CTCF: variants seen among roughly 807,000 people sequenced by gnomAD.
CTCF encodes transcriptional repressor CTCF.
Under a neutral mutation model 72.3 loss-of-function variants are expected in CTCF, and 7 were observed. The ratio of observed to expected loss-of-function variants is 0.10; its 90% CI spans 0.06 to 0.18. The LOEUF (loss-of-function observed/expected upper bound fraction) is 0.18. Ranked by LOEUF, CTCF falls within the 10% of genes least tolerant of loss-of-function variation. The pLI, the probability that CTCF is intolerant of heterozygous loss-of-function variation, is 1.00. For missense variants in CTCF, 516 were observed against 949.1 expected (o/e 0.54, Z 6.00); for synonymous variants, 374 against 315.8 (o/e 1.18, Z -1.95).
chr16:67,591,855 G>A (rs1453461624), intron 2 of CTCF, among the ~76,000 whole-genome samples: 3 of 152,010 alleles, frequency 2.0e-5, no homozygotes, highest in African/African-American at 7.3e-5. Flanking sequence ...ACTACAGATG[G>A]ATGCCATCAT....
In CTCF at chr16:67,637,765, G is replaced by T. The variant is rs1396543145; in HGVS notation, c.2077G>T (p.Asp693Tyr). ...NIIVEVKKEPDAEPAEGEEEE... is the reference protein window; with the variant it reads ...NIIVEVKKEPYAEPAEGEEEE... ...TATAGTTGAAGTAAAAAAAGAGCCAGATGCTGAGCCCGCAGAGGGAGAGGA... is the reference window on the plus strand; with the variant it reads ...TATAGTTGAAGTAAAAAAAGAGCCATATGCTGAGCCCGCAGAGGGAGAGGA... Residue 693 changes from aspartate to tyrosine, a missense_variant, in exon 12 of 12, where the codon GAT becomes TAT. By Grantham distance (160) the Asp-to-Tyr change is radical (BLOSUM62 -3). This residue lies in a region of CTCF where 157 missense variants were observed against 172.9 expected (regional missense o/e 0.91). Transcript: ENST00000264010. 4 of 1,613,578 alleles carry T rather than the reference G, an allele frequency of 2.5e-6. No homozygotes were observed. The highest frequency in any genetic ancestry group is 1.3e-5 in the African/African-American group (1 of 74,904).
chr16:67,576,518 G>A (rs1401424726), intron 2 of CTCF, among the ~76,000 whole-genome samples: 2 of 149,482 alleles, frequency 1.3e-5, no homozygotes, highest in African/African-American at 2.5e-5. Flanking sequence ...ATAGGTGACT[G>A]GTTAAATTAT....
intron 2 of CTCF, among the ~76,000 whole-genome samples, chr16:67,595,263 T>C: frequency 6.8e-6 from 1 of 147,348 alleles, no homozygotes; most frequent in Non-Finnish European, 1.5e-5. Context: ...GCCCAAGCCA[T>C]CCTCCTGCTT....
chr16:67,613,262 T>G (rs1302788657), intron 4 of CTCF, among the ~76,000 whole-genome samples: 1 of 152,220 alleles, frequency 6.6e-6, no homozygotes, highest in East Asian at 1.9e-4. Context: ...ATATGACAAC[T>G]CTTGTTTTTG....
chr16:67,626,565 G>A lies in CTCF; in HGVS notation c.1368G>A (p.Leu456=), dbSNP rs757851003. The A allele has an allele frequency of 6.7e-7, 1 of 1,492,260 alleles. No individual in the cohort carries two copies. Among genetic ancestry groups the A allele is most frequent in the South Asian group, 1.4e-5 (1 of 73,994 alleles). 92.4% of individuals were successfully genotyped at this position (1,492,260 alleles called of 1,614,324 possible). A position where few individuals can be genotyped will look rare whatever the true frequency, so the allele number is the denominator to read the frequency against. Residue 456 remains leucine, a synonymous_variant, in exon 8 of 12, where the codon TTG becomes TTA. Coordinates refer to ENST00000264010, the MANE Select transcript of CTCF (RefSeq NM_006565.4). ...IARKSDLGVH[L]RKQHSYIEQG... is the part of the protein sequence containing the mutation. ...TTACTGTGCTTTCAGGTGTCCACTTGCGAAAGCAGCATTCCTATATTGAGC... is the reference window on the plus strand; with the variant it reads ...TTACTGTGCTTTCAGGTGTCCACTTACGAAAGCAGCATTCCTATATTGAGC...
chr16:67,601,067 C>T (rs569892038), intron 2 of CTCF, among the ~76,000 whole-genome samples: 38 of 152,126 alleles, frequency 2.5e-4, no homozygotes, highest in Middle Eastern at 3.4e-3. Flanking sequence ...CTGCTAGTGT[C>T]GGGAGAGGCA....
chr16:67,580,424 C>A (rs1376252805), intron 2 of CTCF, among the ~76,000 whole-genome samples: 1 of 151,984 alleles, frequency 6.6e-6, no homozygotes, highest in East Asian at 1.9e-4. Flanking sequence ...GGCTGGCCTT[C>A]AACTCCTGGC....
intron 2 of CTCF, among the ~76,000 whole-genome samples, chr16:67,598,693 A>T (rs1311053789): frequency 6.6e-6 from 1 of 152,274 alleles, no homozygotes; most frequent in Non-Finnish European, 1.5e-5. Context: ...AAGCTAAGGC[A>T]TGATGCCAAA....
intron 2 of CTCF, among the ~76,000 whole-genome samples, chr16:67,603,582 T>C (rs2051927286): frequency 6.6e-6 from 1 of 151,066 alleles, no homozygotes; most frequent in Non-Finnish European, 1.5e-5. Context: ...CCTGGTACTT[T>C]GGGAGGCCAA....
At chr16:67,599,861 A>G (rs2051864271) in intron 2 of CTCF, among the ~76,000 whole-genome samples, 1 of 152,338 alleles carries the variant, frequency 6.6e-6, no homozygotes, top group South Asian at 2.1e-4. Context: ...GTGACAGCCA[A>G]ACATTAGTAG....
Position 67,601,294 on chromosome 16 carries a change from C to CGTGTGTGTGTGT in CTCF, c.-9-9497_-9-9486dup, listed in dbSNP as rs58241150. Among the ~76,000 whole-genome samples, 432 of 98,674 alleles carry CGTGTGTGTGTGT rather than the reference C, an allele frequency of 4.4e-3. 4 individuals are homozygous for CGTGTGTGTGTGT. The highest frequency in any genetic ancestry group is 6.3e-3 in the Non-Finnish European group (317 of 50,426). The allele number at this position is 98,674 out of a possible 152,430, so 64.7% of individuals were successfully genotyped here. The stretch of plus-strand genomic sequence containing the variant: ...TTAAGACAGAGTCTCACTCTGTCAC[C>CGTGTGTGTGTGT]GTGTGTGTGTGTGTGTGTGTGTGTG... On this transcript the variant is annotated intron_variant, in intron 2 of 11. Coordinates refer to ENST00000264010, the MANE Select transcript of CTCF (RefSeq NM_006565.4).
At chr16:67,576,696 A>C (rs1329222318) in intron 2 of CTCF, among the ~76,000 whole-genome samples, 2 of 151,230 alleles carry the variant, frequency 1.3e-5, no homozygotes, top group Admixed American at 6.6e-5. Context: ...TAGAACCGCT[A>C]ATTTTTTGTG....
At chr16:67,571,535 G>A (rs1000014428) in intron 2 of CTCF, among the ~76,000 whole-genome samples, 13 of 152,156 alleles carry the variant, frequency 8.5e-5, no homozygotes, top group African/African-American at 2.7e-4. Context: ...ACTATTCTCC[G>A]TTAATGAGAA....
At chr16:67,582,983 CTTTTTTTT>C (rs550423023) in intron 2 of CTCF, among the ~76,000 whole-genome samples, 3 of 136,038 alleles carry the variant, frequency 2.2e-5, no homozygotes, top group African/African-American at 8.1e-5. Context: ...TCTTATTTTT[CTTTTTTTT>C]TTTTTTTGAG....
intron 2 of CTCF, among the ~76,000 whole-genome samples, chr16:67,599,483 C>G (rs994103958): frequency 6.6e-6 from 1 of 152,080 alleles, no homozygotes; most frequent in Non-Finnish European, 1.5e-5. Context: ...GTGTTGGAGC[C>G]TAGGCCCTTG....
At chr16:67,609,724 C>T (rs1373184780) in intron 2 of CTCF, among the ~76,000 whole-genome samples, 1 of 151,568 alleles carries the variant, frequency 6.6e-6, no homozygotes, top group African/African-American at 2.4e-5. Context: ...CCCAGGTTCA[C>T]GCCATTCTCC....
chr16:67,622,571 G>A (rs1439740554), intron 7 of CTCF, among the ~76,000 whole-genome samples: 3 of 151,284 alleles, frequency 2.0e-5, no homozygotes, highest in African/African-American at 4.9e-5. Flanking sequence ...GTGTGCTCCA[G>A]TTCTTTATGA....
At chr16:67,625,764 G>T (rs886301874) in intron 7 of CTCF, among the ~76,000 whole-genome samples, 2 of 151,848 alleles carry the variant, frequency 1.3e-5, no homozygotes, top group Admixed American at 1.3e-4. Flanking sequence ...TTCAAATTCA[G>T]CATGTCTAAA....
chr16:67,623,198 T>G (rs2052228637), intron 7 of CTCF: 1 of 152,136 alleles, frequency 6.6e-6, no homozygotes, highest in Non-Finnish European at 1.5e-5. Context: ...TCAAGTGATC[T>G]GCCCTCATTG....
Sources: gnomAD v4.1 joint callset for allele counts (sites outside exome capture counted in the v4.1 genomes callset) on GRCh38, gnomAD v4.1.1 for gene constraint, gnomAD v4.1.1 regional missense constraint, MANE v1.5 for transcripts, NCBI Gene and HGNC (gene_info 2026-07-23, HGNC 2026-07-21) for gene names.